The following PRSS12 variants were observed in gnomAD, a reference collection of about 807,000 sequenced individuals.
PRSS12 encodes neurotrypsin.
A neutral mutation model predicts 104.4 loss-of-function variants in PRSS12; 85 were observed. That is an observed-to-expected ratio of 0.81 (90% CI 0.68 to 0.98). The LOEUF (loss-of-function observed/expected upper bound fraction) is 0.98, where lower values mean the gene tolerates loss of function less well. Ranked by LOEUF, PRSS12 falls within the 50% of genes least tolerant of loss-of-function variation. PRSS12 has a pLI of 0.00. For missense variants in PRSS12, 1,141 were observed against 1,139.2 expected (o/e 1.00, Z -0.02); for synonymous variants, 454 against 425.2 (o/e 1.07, Z -0.83).
intron 1 of PRSS12, among the ~76,000 whole-genome samples, chr4:118,339,673 C>A (rs929154816): frequency 6.6e-6 from 1 of 152,156 alleles, no homozygotes; most frequent in Non-Finnish European, 1.5e-5. Flanking sequence ...ATATTCTAAA[C>A]TTCTTTAATT....
chr4:118,330,017 C>T (rs547272453), intron 4 of PRSS12, among the ~76,000 whole-genome samples: 1 of 152,260 alleles, frequency 6.6e-6, no homozygotes, highest in East Asian at 1.9e-4. Flanking sequence ...ACCAAGATGC[C>T]ATATTCCTAA....
chr4:118,350,431 G>C (rs1237274859), intron 1 of PRSS12, among the ~76,000 whole-genome samples: 1 of 152,178 alleles, frequency 6.6e-6, no homozygotes, highest in Admixed American at 6.5e-5. Flanking sequence ...AGAAGTAAAT[G>C]ATAGAATGAG....
intron 7 of PRSS12, among the ~76,000 whole-genome samples, chr4:118,309,554 AC>A (rs931015148): frequency 5.9e-5 from 9 of 152,016 alleles, no homozygotes; most frequent in Admixed American, 5.2e-4. Flanking sequence ...GTGGACTCCA[AC>A]CCCCAAAACT....
At position 118,352,257 on chromosome 4, in the gene PRSS12, C is replaced by G. The variant is rs1051295026; in HGVS notation, c.464G>C (p.Arg155Pro). 6 of 1,611,450 alleles carry G rather than the reference C, an allele frequency of 3.7e-6. No individual in the cohort carries two copies. In the African/African-American group the frequency reaches 4.0e-5, roughly 11 times the overall value. The change falls in exon 1 of 13, where the codon CGT (arginine) becomes CCT (proline). Residue 155 changes from arginine (R) to proline (P), a missense_variant. Coordinates refer to ENST00000296498, the MANE Select transcript of PRSS12 (RefSeq NM_003619.4). ...GRPWCFYGDA[R>P]GKVDWGYCDC... ...GCAGTAGCCCCAGTCCACCTTGCCACGGGCGTCTCCGTAGAAACACCAGGG... is the reference window on the plus strand; with the variant it reads ...GCAGTAGCCCCAGTCCACCTTGCCAGGGGCGTCTCCGTAGAAACACCAGGG...
intron 1 of PRSS12, among the ~76,000 whole-genome samples, chr4:118,350,363 G>A (rs113277500): frequency 1.4e-4 from 21 of 152,284 alleles, no homozygotes; most frequent in African/African-American, 2.9e-4. Flanking sequence ...CAAGAGAGCC[G>A]TAACGTTCAG....
intron 5 of PRSS12, 48 bp downstream of exon 5, chr4:118,318,330 A>G: frequency 6.3e-7 from 1 of 1,579,844 alleles, no homozygotes; most frequent in Non-Finnish European, 8.6e-7. Flanking sequence ...GCAGGCCGAC[A>G]TGGTACTGGG....
rs1225250676 is a variant in PRSS12 at position 118,352,465 on chromosome 4, G to C, written c.256C>G (p.Pro86Ala). Residue 86 changes from proline (P) to alanine (A), a missense_variant, in exon 1 of 13, where the codon CCC becomes GCC. By Grantham distance (27) the Pro-to-Ala change is conservative. Coordinates refer to ENST00000296498, the MANE Select transcript of PRSS12 (RefSeq NM_003619.4). ...GGGCAGCCCCAGGGGTGCGGCCGGG[G>C]CGTGTGCCCGGCCTGGAGGGCGTGC... Reference protein sequence around the residue: ...RPHALQAGHTPRPHPWGCPAG... With the variant: ...RPHALQAGHTARPHPWGCPAG... The C allele has an allele frequency of 1.4e-5, 19 of 1,398,230 alleles. No homozygotes were observed. The highest frequency in any genetic ancestry group is 1.8e-5 in the Non-Finnish European group (19 of 1,083,752). 86.6% of individuals were successfully genotyped at this position (1,398,230 alleles called of 1,614,324 possible).
In PRSS12 at chr4:118,346,643, G is replaced by A. The variant is rs193089691; in HGVS notation, c.502+5576C>T. Among the ~76,000 whole-genome samples the A allele has an allele frequency of 1.2e-4, 18 of 152,166 alleles. No individual in the cohort carries two copies. In the East Asian group the frequency reaches 2.1e-3, roughly 18 times the overall value. ...GCCCCAACCCCCAGGCTGCCCAGCA[G>A]GAGGTGACCAGGAGGTGAGCAAGTG... On this transcript the variant is annotated intron_variant, in intron 1 of 12. Coordinates refer to ENST00000296498, the MANE Select transcript of PRSS12 (RefSeq NM_003619.4).
intron 4 of PRSS12, among the ~76,000 whole-genome samples, chr4:118,321,119 G>A (rs7690554): frequency 0.28 from 42,157 of 151,998 alleles, 6,096 homozygotes; most frequent in East Asian, 0.39. Context: ...TATAATATTG[G>A]AGTCCTAACA....
chr4:118,331,387 G>A (rs1723913401), intron 4 of PRSS12, among the ~76,000 whole-genome samples: 1 of 152,176 alleles, frequency 6.6e-6, no homozygotes, highest in Non-Finnish European at 1.5e-5. Flanking sequence ...CTAACAACCA[G>A]TTTTTCATCA....
At chr4:118,329,692 T>A (rs1481054217) in intron 4 of PRSS12, among the ~76,000 whole-genome samples, 2 of 152,208 alleles carry the variant, frequency 1.3e-5, no homozygotes, top group African/African-American at 2.4e-5. Flanking sequence ...TAGAGTGCCC[T>A]TGATAGCCAA....
chr4:118,329,055 G>C (rs1011584475), intron 4 of PRSS12, among the ~76,000 whole-genome samples: 9 of 152,104 alleles, frequency 5.9e-5, no homozygotes, highest in African/African-American at 2.2e-4. Flanking sequence ...GCCTCCCAAA[G>C]TGCTGGGATT....
chr4:118,290,743 A>G lies in PRSS12; in HGVS notation c.2039+4196T>C, dbSNP rs1480469116. Among the ~76,000 whole-genome samples, 3 of 152,274 alleles carry G rather than the reference A, an allele frequency of 2.0e-5. No homozygotes were observed. The South Asian group carries it at 6.2e-4, about 32-fold the overall frequency. ...TAAACAATTAACAATTGGAAGAGCTAGAATTGTAAACCTGGTCTTGGTGGC... is the reference window on the plus strand; with the variant it reads ...TAAACAATTAACAATTGGAAGAGCTGGAATTGTAAACCTGGTCTTGGTGGC... On this transcript the variant is annotated intron_variant, in intron 11 of 12. Transcript: ENST00000296498.
intron 7 of PRSS12, among the ~76,000 whole-genome samples, chr4:118,312,352 A>G (rs1201774313): frequency 6.6e-6 from 1 of 152,098 alleles, no homozygotes; most frequent in Non-Finnish European, 1.5e-5. Context: ...ACATCTATTC[A>G]TACACATACA....
rs1164935604 is a variant in PRSS12 at position 118,347,618 on chromosome 4, A to G, written c.502+4601T>C. Among the ~76,000 whole-genome samples the G allele has an allele frequency of 1.1e-4, 17 of 152,218 alleles. 1 individual carries two copies. Among genetic ancestry groups the G allele is most frequent in the Admixed American group, 1.1e-3 (17 of 15,282 alleles). Reference sequence around the variant, plus strand: ...TTGCCCCATCTGCTATGCCAACCAGAGACTAGAAAAGTGACTGCCCCTCCT... The same window carrying G: ...TTGCCCCATCTGCTATGCCAACCAGGGACTAGAAAAGTGACTGCCCCTCCT... On this transcript the variant is annotated intron_variant, in intron 1 of 12. Transcript: ENST00000296498.
At chr4:118,318,322 A>G in intron 5 of PRSS12, 56 bp downstream of exon 5, 1 of 1,542,452 alleles carries the variant, frequency 6.5e-7, no homozygotes, top group East Asian at 2.3e-5. Context: ...AAGCTGTGGC[A>G]GGCCGACATG....
At chr4:118,332,963 G>A (rs1723966323) in intron 3 of PRSS12, among the ~76,000 whole-genome samples, 1 of 152,184 alleles carries the variant, frequency 6.6e-6, no homozygotes, top group African/African-American at 2.4e-5. Flanking sequence ...TCGATAAAAG[G>A]AGTACAGACA....
At chr4:118,313,889 C>T (rs1293842679) in intron 6 of PRSS12, among the ~76,000 whole-genome samples, 2 of 152,086 alleles carry the variant, frequency 1.3e-5, no homozygotes, top group East Asian at 1.9e-4. Flanking sequence ...GATTTCAGCC[C>T]ATCAAAATCA....
chr4:118,312,829 A>T, intron 7 of PRSS12: 2 of 271,970 alleles, frequency 7.4e-6, no homozygotes, highest in Non-Finnish European at 1.4e-5. Flanking sequence ...TTCTTATTTT[A>T]AATCCTATCC....
Sources: gnomAD v4.1 joint callset for allele counts (sites outside exome capture counted in the v4.1 genomes callset) on GRCh38, gnomAD v4.1.1 for gene constraint, MANE v1.5 for transcripts, NCBI Gene and HGNC (gene_info 2026-07-23, HGNC 2026-07-21) for gene names.